Variants in CEP290 observed in about 807,000 individuals in gnomAD.
CEP290 encodes centrosomal protein 290, also known as centrosomal protein of 290 kDa.
In CEP290, 317 loss-of-function variants were observed where a neutral mutation model predicts 344.9. The ratio of observed to expected loss-of-function variants is 0.92; its 90% CI spans 0.84 to 1.01. The LOEUF is 1.01. Among genes scored for constraint, CEP290 ranks in the 50% least tolerant of loss-of-function variants. The pLI is 0.00. For missense variants in CEP290, 2,754 were observed against 2,761.4 expected (o/e 1.00, Z 0.06); for synonymous variants, 932 against 895.8 (o/e 1.04, Z -0.72).
At chr12:88,139,380 TTAAAAA>T in intron 4 of CEP290, 109 bp downstream of exon 4, 1 of 585,464 alleles carries the variant, frequency 1.7e-6, no homozygotes, top group Non-Finnish European at 2.6e-6. Context: ...ATGTTATATA[TTAAAAA>T]TAAACTGAAT....
At chr12:88,083,372 A>C in intron 36 of CEP290, 142 bp from the exon 37 acceptor site, 2 of 517,556 alleles carry the variant, frequency 3.9e-6, no homozygotes, top group Non-Finnish European at 6.4e-6. Flanking sequence ...GAAGGCTTAA[A>C]GAAGACAGGA....
intron 13 of CEP290, among the ~76,000 whole-genome samples, chr12:88,124,646 G>A (rs947227617): frequency 4.5e-4 from 68 of 152,026 alleles, no homozygotes; most frequent in South Asian, 2.1e-4. Context: ...TAAATGTAGT[G>A]TATACATATA....
At chr12:88,130,588 G>T (rs891163541) in intron 7 of CEP290, 23 bp from the exon 8 acceptor site, 2 of 1,539,336 alleles carry the variant, frequency 1.3e-6, no homozygotes, top group Non-Finnish European at 1.7e-6. Context: ...ACAGGAAAAC[G>T]GTAATTAGAA....
Position 88,079,226 on chromosome 12 carries a change from G to A in CEP290, c.5230C>T (p.Leu1744Phe), listed in dbSNP as rs1391434429. ...LALKEKQQKA[L>F]SRALLELRAE... ...CGGAGTTCTAAAAGTGCCCGACTAA[G>A]TGCCTAAAAATTAACCAAAAAAAAA... is the stretch of plus-strand genomic sequence containing the variant. Residue 1744 changes from leucine (L) to phenylalanine (F), a missense_variant, in exon 39 of 54, where the codon CTT becomes TTT. Leu to Phe is a conservative substitution (Grantham distance 22). Transcript: ENST00000552810. 1.9e-6 allele frequency: 3 copies of A among 1,582,508 alleles called. No homozygotes were observed. The Admixed American group carries it at 5.6e-5, about 30-fold the overall frequency.
intron 15 of CEP290, among the ~76,000 whole-genome samples, chr12:88,119,828 T>C (rs535909459): frequency 6.6e-6 from 1 of 152,210 alleles, no homozygotes; most frequent in South Asian, 2.1e-4. Flanking sequence ...ATCTCTGATA[T>C]GTGGTATTAA....
rs371833544 is a variant in CEP290, at chr12:88,059,914, C to G, written c.6629G>C (p.Arg2210Pro). ...AAGTCATACTTTTTTAAGTTCTTTA[C>G]GAAGCCTTTCATTTTCAGCAATAAT... is the stretch of plus-strand genomic sequence containing the variant. ...EKIIAENERL[R>P]KELKKETDAA... Residue 2210 changes from arginine to proline, a missense_variant, in exon 48 of 54, where the codon CGT becomes CCT. By Grantham distance (103) the Arg-to-Pro change is moderately radical. Coordinates refer to ENST00000552810, the MANE Select transcript of CEP290 (RefSeq NM_025114.4). 1 of 1,591,992 alleles carries G rather than the reference C, an allele frequency of 6.3e-7. No individual in the cohort carries two copies. Among genetic ancestry groups the G allele is most frequent in the South Asian group, 1.2e-5 (1 of 86,672 alleles).
In CEP290 at chr12:88,126,328, C is replaced by T. The variant is rs573285637; in HGVS notation, c.1053G>A (p.Met351Ile). ...AQLDADKSNVMALQQGIQERD... is the reference protein window; with the variant it reads ...AQLDADKSNVIALQQGIQERD... Reference sequence around the variant, plus strand: ...GTTAAGATTTTACCTGCTGTAGAGCCATAACATTACTTTTATCAGCATCAA... The same window carrying T: ...GTTAAGATTTTACCTGCTGTAGAGCTATAACATTACTTTTATCAGCATCAA... Residue 351 changes from methionine to isoleucine, a missense_variant, in exon 12 of 54, where the codon ATG (methionine) becomes ATA (isoleucine). Coordinates refer to ENST00000552810, the MANE Select transcript of CEP290 (RefSeq NM_025114.4). The T allele has an allele frequency of 1.3e-5, 20 of 1,487,168 alleles. No homozygotes were observed. The South Asian group carries it at 2.7e-4, about 20-fold the overall frequency. 92.1% of individuals were successfully genotyped at this position (1,487,168 alleles called of 1,614,324 possible). A position where few individuals can be genotyped will look rare whatever the true frequency, so the allele number is the denominator to read the frequency against.
chr12:88,135,680 T>C (rs1284000774), intron 6 of CEP290: 9 of 152,160 alleles, frequency 5.9e-5, no homozygotes, highest in African/African-American at 2.2e-4. Flanking sequence ...CAAATCAATT[T>C]ATGATACATT....
intron 42 of CEP290, 102 bp downstream of exon 42, chr12:88,071,679 C>G (rs915668541): frequency 3.1e-6 from 3 of 973,024 alleles, no homozygotes; most frequent in Non-Finnish European, 4.4e-6. Context: ...ATCATTTAAA[C>G]TAGACCATTT....
At position 88,139,527 on chromosome 12, in the gene CEP290, A is replaced by G. The variant is rs1361487879; in HGVS notation, c.218T>C (p.Val73Ala). Residue 73 changes from valine (V) to alanine (A), a missense_variant, in exon 4 of 54, where the codon GTA (valine) becomes GCA (alanine). Val to Ala is a moderately conservative substitution (Grantham distance 64). Transcript: ENST00000552810. Reference protein sequence around the residue: ...AQEVELALEEVEKAGEEQAKF... With the variant: ...AQEVELALEEAEKAGEEQAKF... ...TGCTTGTTCTTCTCCAGCTTTTTCT[A>G]CTTCTTCCAAAGCCAGCTCCACTTC... 1 of 1,596,980 alleles carries G rather than the reference A, an allele frequency of 6.3e-7. No homozygotes were observed. The highest frequency in any genetic ancestry group is 8.5e-7 in the Non-Finnish European group (1 of 1,172,976).
chr12:88,051,194 C>CTTTTTT (rs11321423), intron 52 of CEP290, among the ~76,000 whole-genome samples: 1 of 86,432 alleles, frequency 1.2e-5, no homozygotes, highest in Non-Finnish European at 2.5e-5. Flanking sequence ...GGACAAGTAT[C>CTTTTTT]TTTTTTTTTT....
chr12:88,090,469 A>C (rs1260236263), intron 30 of CEP290, among the ~76,000 whole-genome samples: 1 of 152,046 alleles, frequency 6.6e-6, no homozygotes, highest in Non-Finnish European at 1.5e-5. Flanking sequence ...CTGTCTCTAC[A>C]AAAAATGCAA....
chr12:88,050,577 A>C, intron 52 of CEP290, 144 bp from the exon 53 acceptor site: 1 of 515,920 alleles, frequency 1.9e-6, no homozygotes, highest in South Asian at 3.4e-5. Context: ...GAAATACTTC[A>C]GGATGTAAAC....
At chr12:88,100,570 C>A (rs2037794993) in intron 26 of CEP290, among the ~76,000 whole-genome samples, 1 of 152,074 alleles carries the variant, frequency 6.6e-6, no homozygotes, top group Non-Finnish European at 1.5e-5. Context: ...GAACTCTGTG[C>A]CAAACAGGAG....
At chr12:88,093,425 C>CT (rs1159453138) in intron 28 of CEP290, among the ~76,000 whole-genome samples, 1 of 152,008 alleles carries the variant, frequency 6.6e-6, no homozygotes, top group Non-Finnish European at 1.5e-5. Context: ...TATTTTGTTT[C>CT]TTGCTATACT....
At chr12:88,137,074 C>T (rs922195371) in intron 5 of CEP290, among the ~76,000 whole-genome samples, 1 of 152,050 alleles carries the variant, frequency 6.6e-6, no homozygotes, top group African/African-American at 2.4e-5. Context: ...GACTAAACTG[C>T]AAAGGTTCCT....
At chr12:88,106,971 C>A (rs1259125695) in intron 24 of CEP290, 25 bp downstream of exon 24, 1 of 1,535,388 alleles carries the variant, frequency 6.5e-7, no homozygotes, top group Non-Finnish European at 8.8e-7. Context: ...ATATTGCATA[C>A]TAATGTTAAA....
At chr12:88,125,806 T>C (rs1592658511) in intron 12 of CEP290, among the ~76,000 whole-genome samples, 1 of 152,104 alleles carries the variant, frequency 6.6e-6, no homozygotes, top group African/African-American at 2.4e-5. Flanking sequence ...CATACACTTT[T>C]CAAATCATCT....
chr12:88,064,792 A>T (rs1592756757), intron 44 of CEP290, among the ~76,000 whole-genome samples: 1 of 152,116 alleles, frequency 6.6e-6, no homozygotes, highest in East Asian at 1.9e-4. Flanking sequence ...TTGGACTTCT[A>T]GGTCTCCAGA....
Sources: allele counts gnomAD v4.1 joint callset (sites outside exome capture counted in the v4.1 genomes callset), GRCh38; gene constraint gnomAD v4.1.1; transcripts MANE v1.5; gene names NCBI Gene and HGNC (gene_info 2026-07-23, HGNC 2026-07-21).